Variants in TNRC6A observed in about 807,000 individuals in gnomAD.
TNRC6A encodes trinucleotide repeat-containing gene 6A protein.
A neutral mutation model predicts 221.2 loss-of-function variants in TNRC6A; 44 were observed. The observed-to-expected ratio is 0.20, with a 90% CI of 0.16 to 0.26. The LOEUF is 0.26. TNRC6A is among the 10% of genes least tolerant of loss of function. The pLI, the probability that TNRC6A is intolerant of heterozygous loss-of-function variation, is 1.00. For missense variants in TNRC6A, 2,199 were observed against 2,404.4 expected (o/e 0.91, Z 1.79); for synonymous variants, 847 against 838.5 (o/e 1.01, Z -0.18).
chr16:24,750,949 C>G, intron 3 of TNRC6A, 136 bp downstream of exon 3: 1 of 810,654 alleles, frequency 1.2e-6, no homozygotes, highest in Non-Finnish European at 1.8e-6. Context: ...TATTTAATGT[C>G]TTTGAATATG....
chr16:24,673,786 G>A (rs958953588), intron 2 of TNRC6A, among the ~76,000 whole-genome samples: 3 of 152,082 alleles, frequency 2.0e-5, no homozygotes, highest in East Asian at 1.9e-4. Flanking sequence ...TTGAACTCCT[G>A]GGCTCAAGCG....
intron 2 of TNRC6A, among the ~76,000 whole-genome samples, chr16:24,713,446 AAAC>A (rs1195564893): frequency 2.5e-5 from 2 of 79,392 alleles, no homozygotes; most frequent in African/African-American, 4.5e-5. Flanking sequence ...ACAAACAAAC[AAAC>A]AAAAAAATAT....
intron 1 of TNRC6A, among the ~76,000 whole-genome samples, chr16:24,612,151 A>G (rs934003671): frequency 1.3e-5 from 2 of 152,186 alleles, no homozygotes; most frequent in African/African-American, 4.8e-5. Flanking sequence ...TCATGGCAGT[A>G]TCTGTAGCCC....
At position 24,768,171 on chromosome 16, in the gene TNRC6A, C is replaced by G. The variant is rs184104197; in HGVS notation, c.164-8762C>G. Among the ~76,000 whole-genome samples, 397 of 152,200 alleles carry G rather than the reference C, an allele frequency of 2.6e-3. 4 individuals are homozygous for G. The highest frequency in any genetic ancestry group is 9.1e-3 in the African/African-American group (376 of 41,512). On this transcript the variant is annotated intron_variant, in intron 4 of 24. Transcript: ENST00000395799. ...CCTGGGCCGGGCGCGGTGGCTCATG[C>G]CTGTAATCCCAGCACTTTGGGAGGC...
intron 2 of TNRC6A, among the ~76,000 whole-genome samples, chr16:24,647,535 A>G (rs1902360317): frequency 6.6e-6 from 1 of 152,172 alleles, no homozygotes; most frequent in Non-Finnish European, 1.5e-5. Flanking sequence ...GTAGGTATAC[A>G]TCTCCATGGC....
At position 24,704,664 on chromosome 16, in the gene TNRC6A, C is replaced by CAAAAAAAAAAAAAAAAAAAAAAA. The variant is rs58926085; in HGVS notation, n.403-46054_403-46032dup. Among the ~76,000 whole-genome samples the CAAAAAAAAAAAAAAAAAAAAAAA allele has an allele frequency of 1.2e-4, 8 of 69,464 alleles. 2 individuals are homozygous for CAAAAAAAAAAAAAAAAAAAAAAA. The highest frequency in any genetic ancestry group is 2.3e-4 in the Non-Finnish European group (8 of 35,130). 45.6% of individuals were successfully genotyped at this position (69,464 alleles called of 152,430 possible). On this transcript the variant is annotated intron_variant and non_coding_transcript_variant, in intron 2 of 2. Coordinates refer to the TNRC6A transcript ENST00000566108. ...TGGGTGACAGAACAAGACTCCGTCT[C>CAAAAAAAAAAAAAAAAAAAAAAA]AAAAAAAAAAAAAAAAAAAAAAAAA...
At position 24,792,772 on chromosome 16, in the gene TNRC6A, C is replaced by T. The variant is rs527554196; in HGVS notation, c.3176-701C>T. 4.1e-5 allele frequency among the ~76,000 whole-genome samples: 6 copies of T among 147,574 alleles called. No homozygotes were observed. In the Admixed American group the frequency reaches 4.1e-4, roughly 10 times the overall value. On this transcript the variant is annotated intron_variant, in intron 6 of 24. Coordinates refer to ENST00000395799, the MANE Select transcript of TNRC6A (RefSeq NM_014494.4). ...CAGTGTAGGTGGTGTGGAAGGGGTA[C>T]ACTTGTGGCACAATTTTTTTTTTTT...
At chr16:24,673,124 G>C (rs1045957888) in intron 2 of TNRC6A, among the ~76,000 whole-genome samples, 24 of 152,076 alleles carry the variant, frequency 1.6e-4, no homozygotes, top group African/African-American at 5.8e-4. Flanking sequence ...AGAATTGCTC[G>C]AGGCCAGGAG....
Position 24,787,854 on chromosome 16 carries a change from C to G in TNRC6A, c.590-1378C>G, listed in dbSNP as rs6497758. Among the ~76,000 whole-genome samples the G allele has an allele frequency of 8.7e-3, 1,318 of 152,274 alleles. 22 individuals are homozygous for G. The highest frequency in any genetic ancestry group is 0.03 in the African/African-American group (1,251 of 41,538). ...TTTTAGCAAATCACCTTAATAGTGA[C>G]TTCTTTTTATCTCCTAGGCCTACAA... On this transcript the variant is annotated intron_variant, in intron 5 of 24. Transcript: ENST00000395799.
At chr16:24,753,427 T>C (rs1322165507) in intron 3 of TNRC6A, among the ~76,000 whole-genome samples, 3 of 152,272 alleles carry the variant, frequency 2.0e-5, no homozygotes, top group Non-Finnish European at 2.9e-5. Flanking sequence ...TAATAAATGT[T>C]AAGTTTAGCA....
At chr16:24,637,694 C>CA (rs781508850) in intron 1 of TNRC6A, among the ~76,000 whole-genome samples, 13 of 152,138 alleles carry the variant, frequency 8.5e-5, no homozygotes, top group Non-Finnish European at 1.6e-4. Context: ...AACCACACAA[C>CA]ACAATACCAA....
In TNRC6A at chr16:24,789,536, T is replaced by C; in HGVS notation, c.894T>C (p.Gly298=). Residue 298 remains glycine (G), a synonymous_variant, in exon 6 of 25, where the codon GGT becomes GGC. Transcript: ENST00000395799. ...GLGSQNKFVV[G]SSSNNVGHGS... is the part of the protein sequence containing the mutation. ...GTTCCCAAAACAAGTTTGTAGTTGG[T>C]AGCAGCAGCAATAATGTGGGCCATG... 1 of 1,614,162 alleles carries C rather than the reference T, an allele frequency of 6.2e-7. No individual in the cohort carries two copies. The highest frequency in any genetic ancestry group is 8.5e-7 in the Non-Finnish European group (1 of 1,180,020).
intron 4 of TNRC6A, among the ~76,000 whole-genome samples, chr16:24,763,400 A>G (rs2057404922): frequency 6.6e-6 from 1 of 152,198 alleles, no homozygotes. Context: ...CATAGCACAC[A>G]GTTTAGCCTC....
At chr16:24,675,696 CTCTCTCTATATA>C (rs1266184298) in intron 2 of TNRC6A, among the ~76,000 whole-genome samples, 36 of 76,072 alleles carry the variant, frequency 4.7e-4, no homozygotes, top group African/African-American at 6.5e-4. Context: ...CTCTCTCTCT[CTCTCTCTATATA>C]TATATATATA....
chr16:24,698,927 C>T (rs1159150680), intron 2 of TNRC6A, among the ~76,000 whole-genome samples: 1 of 152,096 alleles, frequency 6.6e-6, no homozygotes, highest in African/African-American at 2.4e-5. Flanking sequence ...CCAGGCTGGT[C>T]TCGAACTCCC....
In TNRC6A at chr16:24,820,135, G is replaced by A. The variant is rs1039444194; in HGVS notation, c.5081-4G>A. On this transcript the variant is annotated splice_region_variant and splice_polypyrimidine_tract_variant and intron_variant, in intron 21 of 24. Coordinates refer to ENST00000395799, the MANE Select transcript of TNRC6A (RefSeq NM_014494.4). ...CCCTCTCCATTTTTTCCCCCTTTGA[G>A]TAGCCAGAAATAGTGATTCCAAATT... 4 of 1,612,952 alleles carry A rather than the reference G, an allele frequency of 2.5e-6. No individual in the cohort carries two copies. The highest frequency in any genetic ancestry group is 3.4e-6 in the Non-Finnish European group (4 of 1,179,308).
chr16:24,779,140 A>C (rs1400877127), intron 5 of TNRC6A, among the ~76,000 whole-genome samples: 1 of 152,210 alleles, frequency 6.6e-6, no homozygotes, highest in Non-Finnish European at 1.5e-5. Flanking sequence ...TCAGATGAGA[A>C]GAAGGCCTCA....
intron 2 of TNRC6A, among the ~76,000 whole-genome samples, chr16:24,746,526 G>A (rs546109449): frequency 6.6e-6 from 1 of 152,338 alleles, no homozygotes; most frequent in Admixed American, 6.5e-5. Flanking sequence ...ATTCCTTGGT[G>A]TGATTACAGG....
At chr16:24,757,319 A>G (rs2057274047) in intron 3 of TNRC6A, among the ~76,000 whole-genome samples, 1 of 152,200 alleles carries the variant, frequency 6.6e-6, no homozygotes, top group Non-Finnish European at 1.5e-5. Context: ...TTTTACCCAT[A>G]TATCTATAAT....
Sources: allele counts gnomAD v4.1 joint callset (sites outside exome capture counted in the v4.1 genomes callset), GRCh38; gene constraint gnomAD v4.1.1; transcripts MANE v1.5; gene names NCBI Gene and HGNC (gene_info 2026-07-23, HGNC 2026-07-21).